The following CEP128 variants were observed in gnomAD, a reference collection of about 807,000 sequenced individuals.
CEP128 encodes centrosomal protein 128, also known as centrosomal protein 128kDa.
CEP128 carries 132 observed loss-of-function variants against 156.7 expected under a neutral mutation model. The observed-to-expected ratio is 0.84, with a 90% CI of 0.73 to 0.97. The LOEUF (loss-of-function observed/expected upper bound fraction) is 0.97. CEP128 is among the 50% of genes least tolerant of loss of function. The pLI, the probability that CEP128 is intolerant of heterozygous loss-of-function variation, is 0.00. For missense variants in CEP128, 1,252 were observed against 1,281.9 expected (o/e 0.98, Z 0.36); for synonymous variants, 469 against 448.9 (o/e 1.04, Z -0.57).
At chr14:80,729,058 G>GGGTGTGTGTGTGT (rs1898141728) in intron 19 of CEP128, among the ~76,000 whole-genome samples, 5 of 105,024 alleles carry the variant, frequency 4.8e-5, no homozygotes, top group African/African-American at 2.5e-4. Flanking sequence ...GGCTGGTGGG[G>GGGTGTGTGTGTGT]GTGTGTGTGT....
chr14:80,891,070 T>TG (rs1237103046), intron 8 of CEP128, among the ~76,000 whole-genome samples: 2 of 151,792 alleles, frequency 1.3e-5, no homozygotes, highest in Non-Finnish European at 2.9e-5. Flanking sequence ...GGCAAGGGTG[T>TG]GGAAAAAAGA....
intron 19 of CEP128, among the ~76,000 whole-genome samples, chr14:80,718,368 CAG>C (rs917909122): frequency 2.0e-5 from 3 of 152,112 alleles, no homozygotes; most frequent in African/African-American, 7.2e-5. Flanking sequence ...AGTGGTGACT[CAG>C]AGAAAAATTT....
Position 80,914,346 on chromosome 14 carries a change from A to T in CEP128, c.210T>A (p.Asn70Lys). 2 of 1,613,584 alleles carry T rather than the reference A, an allele frequency of 1.2e-6. No individual in the cohort carries two copies. The highest frequency in any genetic ancestry group is 1.1e-5 in the South Asian group (1 of 91,044). The change falls in exon 4 of 25, where the codon AAT becomes AAA. Residue 70 changes from asparagine (N) to lysine (K), a missense_variant. Asn to Lys is a moderately conservative substitution (Grantham distance 94). Coordinates refer to ENST00000555265, the MANE Select transcript of CEP128 (RefSeq NM_152446.5). The part of the protein sequence containing the change: ...QMLGRYREYS[N>K]GQAGAIEHLK... The stretch of plus-strand genomic sequence containing the variant: ...CATGTTCTATCGCACCCGCCTGTCC[A>T]TTACTGTATTCTCGGTATCGTCCAA...
intron 21 of CEP128, among the ~76,000 whole-genome samples, chr14:80,552,313 A>G (rs1890243877): frequency 6.6e-6 from 1 of 151,880 alleles, no homozygotes; most frequent in African/African-American, 2.4e-5. Context: ...CCATCTCAAA[A>G]AAAAAAAACA....
At chr14:80,552,496 T>C (rs1342353702) in intron 21 of CEP128, among the ~76,000 whole-genome samples, 4 of 152,162 alleles carry the variant, frequency 2.6e-5, no homozygotes. Context: ...GATTAATCAT[T>C]TTGCAGTAAA....
At chr14:80,756,867 A>C in intron 18 of CEP128, 25 bp downstream of exon 18, 1 of 1,452,458 alleles carries the variant, frequency 6.9e-7, no homozygotes, top group Non-Finnish European at 9.6e-7. Flanking sequence ...TATTACAATA[A>C]CTTTAGGATT....
rs191325781 is a variant in CEP128 at position 80,598,653 on chromosome 14, G to A, written c.2807-18230C>T. ...TCTATATGGAAAGGAAAAGGAACTCGAATAAGTAAAACAATTTTTAAAAAT... is the reference window on the plus strand; with the variant it reads ...TCTATATGGAAAGGAAAAGGAACTCAAATAAGTAAAACAATTTTTAAAAAT... On this transcript the variant is annotated intron_variant, in intron 19 of 24. Coordinates refer to ENST00000555265, the MANE Select transcript of CEP128 (RefSeq NM_152446.5). Among the ~76,000 whole-genome samples the A allele has an allele frequency of 2.7e-3, 410 of 152,174 alleles. 2 individuals are homozygous for A. The highest frequency in any genetic ancestry group is 8.9e-3 in the African/African-American group (370 of 41,544).
chr14:80,490,258 T>C (rs8022385), downstream of CEP128, among the ~76,000 whole-genome samples: 71,827 of 151,624 alleles, frequency 0.47, 18,163 homozygotes, highest in East Asian at 0.68. Context: ...CTGGAAGAGA[T>C]TGAAATGTCA....
rs1889195395 is a variant in CEP128 at position 80,530,890 on chromosome 14, A to G, written c.2881-4T>C. 7 of 1,592,518 alleles carry G rather than the reference A, an allele frequency of 4.4e-6. No homozygotes were observed. The highest frequency in any genetic ancestry group is 1.7e-4 in the Middle Eastern group (1 of 6,008). On this transcript the variant is annotated splice_region_variant and splice_polypyrimidine_tract_variant and intron_variant, in intron 21 of 24. Transcript: ENST00000555265. ...GGTCCAAGGCCACTTGGGTACTCTGAAATAGAAAACATAAGGAAACCAAAC... is the reference window on the plus strand; with the variant it reads ...GGTCCAAGGCCACTTGGGTACTCTGGAATAGAAAACATAAGGAAACCAAAC...
intron 19 of CEP128, among the ~76,000 whole-genome samples, chr14:80,650,493 G>A (rs560548694): frequency 2.0e-5 from 3 of 152,242 alleles, no homozygotes; most frequent in Non-Finnish European, 2.9e-5. Flanking sequence ...CTTGTCTTGT[G>A]CCAATTTTCA....
chr14:80,929,612 G>C (rs566246644), intron 2 of CEP128, among the ~76,000 whole-genome samples: 1 of 152,162 alleles, frequency 6.6e-6, no homozygotes. Flanking sequence ...AAGTAACTCA[G>C]AAATCAAAAG....
chr14:80,611,683 T>A (rs896435553), intron 19 of CEP128, among the ~76,000 whole-genome samples: 2 of 152,196 alleles, frequency 1.3e-5, no homozygotes, highest in Non-Finnish European at 2.9e-5. Flanking sequence ...AAATTATAGC[T>A]TCACTCTAAG....
chr14:80,709,574 C>CA (rs527795315), intron 19 of CEP128, among the ~76,000 whole-genome samples: 117 of 152,150 alleles, frequency 7.7e-4, no homozygotes, highest in African/African-American at 2.5e-3. Flanking sequence ...ACATTTAATA[C>CA]AAAAAAATCT....
chr14:80,844,186 T>C (rs1035584266), intron 9 of CEP128, among the ~76,000 whole-genome samples: 1 of 151,812 alleles, frequency 6.6e-6, no homozygotes, highest in African/African-American at 2.4e-5. Context: ...AAGTTTCTTT[T>C]CAAGGCAAAA....
chr14:80,678,599 C>T (rs766233053), intron 19 of CEP128, among the ~76,000 whole-genome samples: 1 of 152,124 alleles, frequency 6.6e-6, no homozygotes, highest in East Asian at 1.9e-4. Flanking sequence ...AGACAAACAG[C>T]CCCTGTGACT....
At chr14:80,505,225 C>T (rs944782535) in intron 23 of CEP128, among the ~76,000 whole-genome samples, 3 of 152,180 alleles carry the variant, frequency 2.0e-5, no homozygotes, top group African/African-American at 4.8e-5. Context: ...ATTGCTATAG[C>T]AACATGACAT....
chr14:80,857,756 C>CAA (rs1194054284), intron 9 of CEP128, among the ~76,000 whole-genome samples: 2,281 of 123,356 alleles, frequency 0.018, 68 homozygotes, highest in Admixed American at 0.052. Flanking sequence ...ACAACAACAA[C>CAA]AACAACAACA....
intron 2 of CEP128, among the ~76,000 whole-genome samples, chr14:80,917,900 C>T (rs1218712229): frequency 2.0e-5 from 3 of 152,116 alleles, no homozygotes; most frequent in African/African-American, 7.2e-5. Context: ...AAATGAAATA[C>T]AGTCTGTTAC....
intron 19 of CEP128, among the ~76,000 whole-genome samples, chr14:80,628,054 G>C (rs2140706445): frequency 6.6e-6 from 1 of 152,228 alleles, no homozygotes; most frequent in Middle Eastern, 3.4e-3. Context: ...TAGTGAAAAA[G>C]CTTAAATTGC....
Sources: gnomAD v4.1 joint callset for allele counts (sites outside exome capture counted in the v4.1 genomes callset) on GRCh38, gnomAD v4.1.1 for gene constraint, MANE v1.5 for transcripts, NCBI Gene and HGNC (gene_info 2026-07-23, HGNC 2026-07-21) for gene names.